DTWD2: variants seen among roughly 807,000 people sequenced by gnomAD.
DTWD2 encodes the protein tRNA-uridine aminocarboxypropyltransferase 2.
In DTWD2, 39 loss-of-function variants were observed where a neutral mutation model predicts 31.8. The observed-to-expected ratio is 1.22, with a 90% CI of 0.95 to 1.60. DTWD2 has a LOEUF of 1.60. DTWD2 is among the 40% of genes most tolerant of loss of function. The probability of loss-of-function intolerance (pLI) is 0.00; values close to 1 mark genes in which losing one functional copy is unlikely to be tolerated. For missense variants in DTWD2, 515 were observed against 381.5 expected (o/e 1.35, Z -2.92); for synonymous variants, 180 against 142.8 (o/e 1.26, Z -1.86).
Position 118,899,493 on chromosome 5 carries a change from A to G in DTWD2, c.597+29044T>C, listed in dbSNP as rs1163780511. Among the ~76,000 whole-genome samples the G allele has an allele frequency of 2.0e-5, 3 of 152,168 alleles. No individual in the cohort carries two copies. The East Asian group carries it at 5.8e-4, about 29-fold the overall frequency. ...CACAGAAACTTTCTAGAACCTAACT[A>G]TCACAAATAACAAGCACTGACTGCA... On this transcript the variant is annotated intron_variant, in intron 4 of 5. Coordinates refer to ENST00000510708, the MANE Select transcript of DTWD2 (RefSeq NM_173666.4).
At chr5:118,899,662 T>A (rs893738462) in intron 4 of DTWD2, among the ~76,000 whole-genome samples, 1 of 152,126 alleles carries the variant, frequency 6.6e-6, no homozygotes, top group Admixed American at 6.6e-5. Context: ...TCCACAGACC[T>A]CTTCATACTC....
At chr5:118,860,482 C>T (rs752233917) in intron 4 of DTWD2, among the ~76,000 whole-genome samples, 4 of 151,854 alleles carry the variant, frequency 2.6e-5, no homozygotes, top group Non-Finnish European at 2.9e-5. Flanking sequence ...TAGTCATTTG[C>T]TATTTTAAGA....
At chr5:118,873,361 C>G (rs1385491657) in intron 4 of DTWD2, among the ~76,000 whole-genome samples, 1 of 152,190 alleles carries the variant, frequency 6.6e-6, no homozygotes, top group Non-Finnish European at 1.5e-5. Flanking sequence ...TCTCCCAGGG[C>G]CCCAGCCTAG....
intron 4 of DTWD2, among the ~76,000 whole-genome samples, chr5:118,891,244 G>A (rs1367447718): frequency 2.0e-5 from 3 of 151,944 alleles, no homozygotes; most frequent in Non-Finnish European, 4.4e-5. Flanking sequence ...GTACTAGAAG[G>A]TCAAGTATTT....
chr5:118,883,271 G>A (rs1418009851), intron 4 of DTWD2, among the ~76,000 whole-genome samples: 1 of 152,114 alleles, frequency 6.6e-6, no homozygotes, highest in African/African-American at 2.4e-5. Context: ...CCTCAGCCTG[G>A]ACTTCATTGT....
intron 1 of DTWD2, among the ~76,000 whole-genome samples, chr5:118,972,847 C>T (rs753481790): frequency 9.2e-5 from 14 of 152,258 alleles, no homozygotes; most frequent in South Asian, 8.3e-4. Flanking sequence ...TGTAATTCAC[C>T]GCATAAACAA....
In DTWD2 at chr5:118,928,625, TAAA is replaced by T. The variant is rs757722103; in HGVS notation, c.506_508del (p.Val169_Tyr170delinsAsp). On this transcript the variant is annotated inframe_deletion, in exon 4 of 6. Coordinates refer to ENST00000510708, the MANE Select transcript of DTWD2 (RefSeq NM_173666.4). ...ATCAATGATGATGATTGTAGAAGGA[TAAA>T]CAGGAGAATCTAATATAAATTCTTC... The T allele has an allele frequency of 1.2e-6, 2 of 1,603,566 alleles. No homozygotes were observed. The highest frequency in any genetic ancestry group is 1.7e-6 in the Non-Finnish European group (2 of 1,174,490).
At position 118,988,514 on chromosome 5, in the gene DTWD2, C is replaced by A; in HGVS notation, c.-3G>T. The A allele has an allele frequency of 6.5e-7, 1 of 1,549,260 alleles. No homozygotes were observed. Among genetic ancestry groups the A allele is most frequent in the South Asian group, 1.2e-5 (1 of 84,128 alleles). The stretch of plus-strand genomic sequence containing the variant: ...CGTGCCTCTTTCTGCGACTCCATGG[C>A]GGACACTCCGGTCAGGCCGTGGCAT... On this transcript the variant is annotated 5_prime_UTR_variant, in exon 1 of 6. Coordinates refer to ENST00000510708, the MANE Select transcript of DTWD2 (RefSeq NM_173666.4).
chr5:118,846,764 T>C (rs1751863640), intron 5 of DTWD2, among the ~76,000 whole-genome samples: 1 of 152,044 alleles, frequency 6.6e-6, no homozygotes, highest in Non-Finnish European at 1.5e-5. Flanking sequence ...GCTAGGGACA[T>C]GGGAGTAGGT....
At chr5:118,853,105 C>T (rs1321464480) in intron 4 of DTWD2, among the ~76,000 whole-genome samples, 1 of 152,156 alleles carries the variant, frequency 6.6e-6, no homozygotes, top group Non-Finnish European at 1.5e-5. Context: ...AACTACCTAT[C>T]AGGTATTATG....
rs537389630 is a variant in DTWD2 at position 118,966,244 on chromosome 5, A to G, written c.219-21595T>C. Among the ~76,000 whole-genome samples the G allele has an allele frequency of 6.6e-5, 10 of 152,334 alleles. No homozygotes were observed. In the South Asian group the frequency reaches 2.1e-3, roughly 32 times the overall value. On this transcript the variant is annotated intron_variant, in intron 1 of 5. Coordinates refer to ENST00000510708, the MANE Select transcript of DTWD2 (RefSeq NM_173666.4). ...CGTTTATCATTCTGGCAAATTTACA[A>G]AAGTAAACCTCAAAAAATATGATAA...
At chr5:118,869,263 T>C (rs1391987607) in intron 4 of DTWD2, among the ~76,000 whole-genome samples, 1 of 152,182 alleles carries the variant, frequency 6.6e-6, no homozygotes. Context: ...GAGATATCAG[T>C]TGATCAGAAA....
At chr5:118,934,789 G>A (rs906510450) in intron 3 of DTWD2, among the ~76,000 whole-genome samples, 2 of 152,166 alleles carry the variant, frequency 1.3e-5, no homozygotes, top group African/African-American at 4.8e-5. Context: ...GAGATTGTTA[G>A]ATTAAATTTA....
rs115549064 is a variant in DTWD2 at position 118,872,660 on chromosome 5, C to G, written c.598-24442G>C. 6.0e-3 allele frequency among the ~76,000 whole-genome samples: 918 copies of G among 152,280 alleles called. 4 individuals carry two copies. Among genetic ancestry groups the G allele is most frequent in the Non-Finnish European group, 9.6e-3 (655 of 68,036 alleles). On this transcript the variant is annotated intron_variant, in intron 4 of 5. Coordinates refer to ENST00000510708, the MANE Select transcript of DTWD2 (RefSeq NM_173666.4). The stretch of plus-strand genomic sequence containing the variant: ...ATCACAAAAGTAACATCAAATATCA[C>G]TGATCACAGACCACCACCATAACAG...
chr5:118,988,307 A>AC lies in DTWD2; in HGVS notation c.204dup (p.Cys69ValfsTer56). Reference sequence around the variant, plus strand: ...CCCCGCGGTCACCTGCAGCGGGTGCACTCAGGCCTCCGCTCGGCCGGCTCC... The same window carrying AC: ...CCCCGCGGTCACCTGCAGCGGGTGCACCTCAGGCCTCCGCTCGGCCGGCTCC... On this transcript the variant is annotated frameshift_variant, in exon 1 of 6. Coordinates refer to ENST00000510708, the MANE Select transcript of DTWD2 (RefSeq NM_173666.4). LOFTEE classifies it high-confidence loss of function. 1 of 1,523,820 alleles carries AC rather than the reference A, an allele frequency of 6.6e-7. No individual in the cohort carries two copies. Among genetic ancestry groups the AC allele is most frequent in the Non-Finnish European group, 8.8e-7 (1 of 1,140,168 alleles). The allele number at this position is 1,523,820 out of a possible 1,614,324, so 94.4% of individuals were successfully genotyped here. A position where few individuals can be genotyped will look rare whatever the true frequency, so the allele number is the denominator to read the frequency against.
At chr5:118,847,315 G>A (rs1477315219) in intron 5 of DTWD2, among the ~76,000 whole-genome samples, 1 of 152,040 alleles carries the variant, frequency 6.6e-6, no homozygotes, top group Non-Finnish European at 1.5e-5. Flanking sequence ...GTGTTTTGAA[G>A]GGGGAGTTAT....
intron 3 of DTWD2, among the ~76,000 whole-genome samples, chr5:118,930,665 T>C (rs1485767183): frequency 6.6e-6 from 1 of 152,116 alleles, no homozygotes; most frequent in Non-Finnish European, 1.5e-5. Context: ...CAAAAAGAAA[T>C]TAAGTACTAA....
intron 1 of DTWD2, among the ~76,000 whole-genome samples, chr5:118,950,213 CAAAAAAAAAAAAA>C (rs764214153): frequency 2.1e-3 from 105 of 49,616 alleles, no homozygotes; most frequent in Middle Eastern, 0.015. Context: ...ACTCCATCTC[CAAAAAAAAAAAAA>C]AAAAAAAAAA....
At chr5:118,953,832 T>C (rs1277922838) in intron 1 of DTWD2, among the ~76,000 whole-genome samples, 2 of 152,182 alleles carry the variant, frequency 1.3e-5, no homozygotes, top group African/African-American at 4.8e-5. Flanking sequence ...TCCTGGCCTA[T>C]ATCTTTCTGG....
Sources: gnomAD v4.1 joint callset for allele counts (sites outside exome capture counted in the v4.1 genomes callset) on GRCh38, gnomAD v4.1.1 for gene constraint, MANE v1.5 for transcripts, NCBI Gene and HGNC (gene_info 2026-07-23, HGNC 2026-07-21) for gene names.